Variants in LINGO2 observed in about 807,000 individuals in gnomAD.
LINGO2 encodes leucine-rich repeat and immunoglobulin-like domain-containing nogo receptor-interacting protein 2.
LINGO2 carries 14 observed loss-of-function variants against 30.6 expected under a neutral mutation model. The ratio of observed to expected loss-of-function variants is 0.46; its 90% CI spans 0.30 to 0.72. The LOEUF is 0.72. Ranked by LOEUF, LINGO2 falls within the 30% of genes least tolerant of loss-of-function variation. The pLI is 0.07. For synonymous variants in LINGO2, 317 were observed against 288.5 expected, an observed-to-expected ratio of 1.10 and a Z score of -1.00; for missense variants, 729 against 751.7, an observed-to-expected ratio of 0.97 and a Z score of 0.35.
At chr9:28,186,595 G>T (rs1385845800) in intron 4 of LINGO2, among the ~76,000 whole-genome samples, 2 of 151,964 alleles carry the variant, frequency 1.3e-5, no homozygotes, top group Non-Finnish European at 2.9e-5. Flanking sequence ...GAGAGAGAGG[G>T]GACGTGTGGA....
chr9:28,449,037 G>GTGTGTT (rs1554722263), intron 2 of LINGO2, among the ~76,000 whole-genome samples: 5 of 125,958 alleles, frequency 4.0e-5, no homozygotes, highest in Admixed American at 3.7e-4. Context: ...ACATTCGTGT[G>GTGTGTT]TGTGTGTGTG....
chr9:29,083,409 A>T, the LINGO2 span, among the ~76,000 whole-genome samples: 1 of 152,064 alleles, frequency 6.6e-6, no homozygotes, highest in Non-Finnish European at 1.5e-5. Flanking sequence ...CAGGAAAGGG[A>T]ACATCACACA....
At chr9:28,411,716 C>G (rs1389493376) in intron 2 of LINGO2, among the ~76,000 whole-genome samples, 2 of 152,056 alleles carry the variant, frequency 1.3e-5, no homozygotes, top group East Asian at 3.9e-4. Context: ...GTAAATGATG[C>G]TGCTATGAAC....
chr9:28,451,446 C>CA (rs1166019068), intron 2 of LINGO2, among the ~76,000 whole-genome samples: 1 of 151,660 alleles, frequency 6.6e-6, no homozygotes, highest in Non-Finnish European at 1.5e-5. Context: ...TTAATTGAAT[C>CA]AACTCATAGA....
At chr9:28,823,569 A>G in the LINGO2 span, among the ~76,000 whole-genome samples, 1 of 152,042 alleles carries the variant, frequency 6.6e-6, no homozygotes, top group Non-Finnish European at 1.5e-5. Flanking sequence ...GAATGGATGC[A>G]CTCTTGGAGC....
chr9:28,785,486 GATTT>G, the LINGO2 span, among the ~76,000 whole-genome samples: 1 of 152,082 alleles, frequency 6.6e-6, no homozygotes, highest in African/African-American at 2.4e-5. Flanking sequence ...TTTGCTTATT[GATTT>G]ATTTGAAATT....
chr9:27,989,524 A>G (rs1383269322), intron 5 of LINGO2, among the ~76,000 whole-genome samples: 2 of 151,860 alleles, frequency 1.3e-5, no homozygotes, highest in African/African-American at 2.4e-5. Flanking sequence ...AAAGAACTAT[A>G]TCATGAGTGG....
intron 2 of LINGO2, among the ~76,000 whole-genome samples, chr9:28,385,434 G>A (rs1821539343): frequency 6.6e-6 from 1 of 152,112 alleles, no homozygotes; most frequent in African/African-American, 2.4e-5. Flanking sequence ...TGTCAGTGGG[G>A]AGGGATTGCT....
At chr9:28,376,137 A>T (rs890024303) in intron 2 of LINGO2, among the ~76,000 whole-genome samples, 6 of 151,844 alleles carry the variant, frequency 4.0e-5, no homozygotes, top group African/African-American at 1.5e-4. Flanking sequence ...CCTAAAAATA[A>T]AATGTTGAGG....
At chr9:28,995,090 A>G in the LINGO2 span, among the ~76,000 whole-genome samples, 1 of 151,854 alleles carries the variant, frequency 6.6e-6, no homozygotes, top group Non-Finnish European at 1.5e-5. Flanking sequence ...GCAACCTACA[A>G]AATGGGAGAA....
At chr9:28,169,454 G>C (rs931371661) in intron 4 of LINGO2, among the ~76,000 whole-genome samples, 1 of 152,164 alleles carries the variant, frequency 6.6e-6, no homozygotes, top group Non-Finnish European at 1.5e-5. Flanking sequence ...AAAACCGGAA[G>C]AAAACATATT....
the LINGO2 span, among the ~76,000 whole-genome samples, chr9:28,843,059 A>G: frequency 6.6e-6 from 1 of 151,894 alleles, no homozygotes; most frequent in African/African-American, 2.4e-5. Flanking sequence ...TACGACAACT[A>G]ATGACAGCAG....
chr9:29,143,919 T>C, the LINGO2 span, among the ~76,000 whole-genome samples: 1 of 152,160 alleles, frequency 6.6e-6, no homozygotes, highest in African/African-American at 2.4e-5. Flanking sequence ...ATTAAAGTAT[T>C]TAATGCATCT....
At chr9:28,799,283 T>C in the LINGO2 span, among the ~76,000 whole-genome samples, 1 of 151,970 alleles carries the variant, frequency 6.6e-6, no homozygotes, top group South Asian at 2.1e-4. Context: ...GAGCTAATCG[T>C]CAGTATAGTC....
intron 2 of LINGO2, among the ~76,000 whole-genome samples, chr9:28,388,796 T>A (rs1253506270): frequency 1.3e-5 from 2 of 152,190 alleles, no homozygotes; most frequent in Non-Finnish European, 1.5e-5. Context: ...GTGAACTAAA[T>A]CAGATATAAT....
Position 27,948,700 on chromosome 9 carries a change from C to G in LINGO2, c.*151G>C, listed in dbSNP as rs375455542. On this transcript the variant is annotated 3_prime_UTR_variant, in exon 6 of 6. Transcript: ENST00000379992. ...GCCTGCCTGCCTTTCGATGGAGAGT[C>G]TCCATTGGAAGTCCTCCTGCTTCCA... The G allele has an allele frequency of 1.6e-4, 137 of 847,716 alleles. No homozygotes were observed. The African/African-American group carries it at 1.8e-3, about 11-fold the overall frequency. The allele number at this position is 847,716 out of a possible 1,614,324, so 52.5% of individuals were successfully genotyped here.
the LINGO2 span, among the ~76,000 whole-genome samples, chr9:28,758,287 G>A: frequency 8.5e-3 from 1,298 of 152,140 alleles, 10 homozygotes; most frequent in Middle Eastern, 0.054. Flanking sequence ...GTAGGTGATG[G>A]ATACTTTTTC....
the LINGO2 span, among the ~76,000 whole-genome samples, chr9:29,156,233 C>A: frequency 6.6e-6 from 1 of 152,042 alleles, no homozygotes; most frequent in Non-Finnish European, 1.5e-5. Flanking sequence ...AGATGTAACT[C>A]AAAGCCCATG....
At chr9:28,739,824 T>A in the LINGO2 span, among the ~76,000 whole-genome samples, 37 of 151,548 alleles carry the variant, frequency 2.4e-4, no homozygotes, top group East Asian at 6.8e-3. Context: ...AAATAGTGGG[T>A]TCCCCAACTT....
Sources: allele counts gnomAD v4.1 joint callset (sites outside exome capture counted in the v4.1 genomes callset), GRCh38; gene constraint gnomAD v4.1.1; transcripts MANE v1.5; gene names NCBI Gene and HGNC (gene_info 2026-07-23, HGNC 2026-07-21).